Variants in RBFOX1 observed in about 807,000 individuals in gnomAD.
RBFOX1 encodes the protein RNA binding protein fox-1 homolog 1.
In RBFOX1, 8 loss-of-function variants were observed where a neutral mutation model predicts 57.7. That is an observed-to-expected ratio of 0.14 (90% CI 0.08 to 0.25). RBFOX1 has a LOEUF of 0.25. Among genes scored for constraint, RBFOX1 ranks in the 10% least tolerant of loss-of-function variants. The pLI is 1.00. For synonymous variants in RBFOX1, 326 were observed against 222.4 expected (o/e 1.47, Z -4.15); for missense variants, 611 against 548.5 (o/e 1.11, Z -1.14).
Position 7,126,934 on chromosome 16 carries a change from G to A in RBFOX1, c.27+74836G>A, listed in dbSNP as rs560386948. Among the ~76,000 whole-genome samples the A allele has an allele frequency of 4.0e-5, 6 of 151,342 alleles. No homozygotes were observed. In the East Asian group the frequency reaches 9.8e-4, roughly 25 times the overall value. ...TGAGGCAGGAGAATAGCTTAAACCC[G>A]GGAGGCAGAGGTTGCAGTGAGCCAA... On this transcript the variant is annotated intron_variant, in intron 4 of 15. Coordinates refer to ENST00000550418, the MANE Select transcript of RBFOX1 (RefSeq NM_018723.4).
chr16:6,359,758 T>C (rs1246702554), intron 2 of RBFOX1, among the ~76,000 whole-genome samples: 2 of 152,164 alleles, frequency 1.3e-5, no homozygotes, highest in African/African-American at 2.4e-5. Context: ...CTTATACTTA[T>C]ACTTATACAC....
chr16:7,279,667 A>G (rs2095504341), intron 4 of RBFOX1, among the ~76,000 whole-genome samples: 1 of 152,226 alleles, frequency 6.6e-6, no homozygotes, highest in Non-Finnish European at 1.5e-5. Context: ...CAGGCTATCT[A>G]TGGTCACATC....
chr16:7,283,108 A>G (rs887641686), intron 4 of RBFOX1, among the ~76,000 whole-genome samples: 1 of 152,216 alleles, frequency 6.6e-6, no homozygotes. Context: ...TCCTCTGGGT[A>G]GATACCCAGT....
At chr16:7,010,951 G>A (rs1405902337) in intron 3 of RBFOX1, among the ~76,000 whole-genome samples, 1 of 152,192 alleles carries the variant, frequency 6.6e-6, no homozygotes, top group Non-Finnish European at 1.5e-5. Flanking sequence ...GCAGGGCCTT[G>A]GGCAAGAGGA....
chr16:6,629,101 C>A (rs1055335456), intron 2 of RBFOX1, among the ~76,000 whole-genome samples: 1 of 152,110 alleles, frequency 6.6e-6, no homozygotes, highest in African/African-American at 2.4e-5. Flanking sequence ...AGAGTACATA[C>A]TTTTGTGTGT....
Position 6,667,051 on chromosome 16 carries a change from A to G in RBFOX1, c.-16+12401A>G, listed in dbSNP as rs191965364. On this transcript the variant is annotated intron_variant, in intron 3 of 15. Transcript: ENST00000550418. ...TTAACTCTTTTACTAAACGTTGAAA[A>G]TGAGATGTTAGTCGTACTTTCCTCT... is the stretch of plus-strand genomic sequence containing the variant. 1.8e-3 allele frequency among the ~76,000 whole-genome samples: 278 copies of G among 152,288 alleles called. 2 individuals are homozygous for G. The highest frequency in any genetic ancestry group is 6.4e-3 in the African/African-American group (267 of 41,570).
At chr16:7,354,276 T>G in intron 4 of RBFOX1, among the ~76,000 whole-genome samples, 1 of 152,186 alleles carries the variant, frequency 6.6e-6, no homozygotes, top group African/African-American at 2.4e-5. Context: ...TGGCCCGAAT[T>G]GTATATTTTA....
intron 1 of RBFOX1, among the ~76,000 whole-genome samples, chr16:5,363,458 G>C (rs988315829): frequency 1.3e-5 from 2 of 152,130 alleles, no homozygotes; most frequent in African/African-American, 4.8e-5. Flanking sequence ...TCCTTCTCTA[G>C]CTTCAGTTGC....
At chr16:5,400,302 A>G (rs754719199) in intron 1 of RBFOX1, among the ~76,000 whole-genome samples, 1 of 151,944 alleles carries the variant, frequency 6.6e-6, no homozygotes, top group Non-Finnish European at 1.5e-5. Flanking sequence ...CATGTTGGTC[A>G]GGCTGGTCTG....
At chr16:6,441,649 C>T (rs2094384958) in intron 2 of RBFOX1, among the ~76,000 whole-genome samples, 1 of 152,162 alleles carries the variant, frequency 6.6e-6, no homozygotes, top group South Asian at 2.1e-4. Flanking sequence ...AACTCCTCAC[C>T]TCAGGTGATC....
At chr16:6,124,126 C>T (rs1254612420) in intron 1 of RBFOX1, among the ~76,000 whole-genome samples, 1 of 152,112 alleles carries the variant, frequency 6.6e-6, no homozygotes, top group Non-Finnish European at 1.5e-5. Context: ...TTTGTTTGCA[C>T]CACACAGTTT....
rs34622040 is a variant in RBFOX1, at chr16:5,969,477, ATT to A, written c.351+102159_351+102160del. 6.0e-3 allele frequency among the ~76,000 whole-genome samples: 706 copies of A among 117,000 alleles called. 5 individuals are homozygous for A. Among genetic ancestry groups the A allele is most frequent in the African/African-American group, 0.02 (632 of 30,878 alleles). 76.8% of individuals were successfully genotyped at this position (117,000 alleles called of 152,430 possible). ...CAGGCACATGCCATCACGCCTGGCT[ATT>A]TTTTTTTTTTTTTTTTGTATTTTTA... On this transcript the variant is annotated intron_variant, in intron 4 of 19. Transcript: ENST00000641259.
rs2098533486 is a variant in RBFOX1 at position 6,646,205 on chromosome 16, C to T, written c.-63-8398C>T. Among the ~76,000 whole-genome samples, 3 of 152,102 alleles carry T rather than the reference C, an allele frequency of 2.0e-5. No individual in the cohort carries two copies. In the South Asian group the frequency reaches 6.2e-4, roughly 32 times the overall value. ...GGTCAGGTCGGAACCCACCCAGAGA[C>T]ACCGGCTCTAGGCAGCGTGATCCGA... On this transcript the variant is annotated intron_variant, in intron 2 of 15. Transcript: ENST00000550418.
In RBFOX1 at chr16:7,258,227, G is replaced by A. The variant is rs532357276; in HGVS notation, c.27+206129G>A. Among the ~76,000 whole-genome samples the A allele has an allele frequency of 3.3e-5, 5 of 152,312 alleles. No individual in the cohort carries two copies. In the South Asian group the frequency reaches 6.2e-4, roughly 19 times the overall value. On this transcript the variant is annotated intron_variant, in intron 4 of 15. Transcript: ENST00000550418. ...GAGAGGCATGTATGCACACCATAAA[G>A]ATCTTAAATGCATTTTCAGTTCAGT...
intron 2 of RBFOX1, among the ~76,000 whole-genome samples, chr16:6,435,760 C>A (rs2094216034): frequency 6.6e-6 from 1 of 152,130 alleles, no homozygotes; most frequent in Non-Finnish European, 1.5e-5. Flanking sequence ...ACCTGGGACA[C>A]AATTGATTGG....
At chr16:7,273,032 C>A (rs1415327235) in intron 4 of RBFOX1, among the ~76,000 whole-genome samples, 1 of 117,672 alleles carries the variant, frequency 8.5e-6, no homozygotes, top group Non-Finnish European at 1.7e-5. Flanking sequence ...CCTTCCTTTT[C>A]TTTCCTTCCC....
At chr16:6,780,504 A>G (rs911922892) in intron 3 of RBFOX1, among the ~76,000 whole-genome samples, 31 of 120,716 alleles carry the variant, frequency 2.6e-4, no homozygotes, top group African/African-American at 8.4e-4. Flanking sequence ...ACATTTTTAT[A>G]TATTTATATA....
intron 3 of RBFOX1, among the ~76,000 whole-genome samples, chr16:6,671,615 C>T (rs1299880734): frequency 6.6e-6 from 1 of 152,090 alleles, no homozygotes; most frequent in East Asian, 1.9e-4. Flanking sequence ...CTCACCTGCT[C>T]CCCACCCTTT....
At chr16:7,141,914 T>A (rs1223427571) in intron 4 of RBFOX1, among the ~76,000 whole-genome samples, 3 of 152,178 alleles carry the variant, frequency 2.0e-5, no homozygotes, top group Admixed American at 2.0e-4. Context: ...AAATCTGTCA[T>A]GTCAGTCCCC....
Sources: gnomAD v4.1 joint callset for allele counts (sites outside exome capture counted in the v4.1 genomes callset) on GRCh38, gnomAD v4.1.1 for gene constraint, MANE v1.5 for transcripts, NCBI Gene and HGNC (gene_info 2026-07-23, HGNC 2026-07-21) for gene names.